Variants in PCDH7 observed in about 807,000 individuals in gnomAD.
PCDH7 encodes protocadherin-7.
Under a neutral mutation model 58.9 loss-of-function variants are expected in PCDH7, and 17 were observed. The ratio of observed to expected loss-of-function variants is 0.29; its 90% CI spans 0.20 to 0.43. The LOEUF is 0.43. PCDH7 is among the 20% of genes least tolerant of loss of function. The pLI is 1.00. For missense variants in PCDH7, 1,274 were observed against 1,441.0 expected (o/e 0.88, Z 1.88); for synonymous variants, 664 against 616.4 (o/e 1.08, Z -1.14).
chr4:30,801,149 A>C (rs73213193), intron 1 of PCDH7, among the ~76,000 whole-genome samples: 16,762 of 152,244 alleles, frequency 0.11, 1,221 homozygotes, highest in Non-Finnish European at 0.16. Flanking sequence ...AGGTGGTTAG[A>C]TGTTGGGAAA....
chr4:30,915,310 CT>C (rs1413930259), intron 1 of PCDH7, among the ~76,000 whole-genome samples: 1 of 152,154 alleles, frequency 6.6e-6, no homozygotes, highest in Non-Finnish European at 1.5e-5. Flanking sequence ...TCTTCTACTT[CT>C]TTTGGTCCAA....
At chr4:31,064,654 TC>T (rs771509116) in intron 3 of PCDH7, among the ~76,000 whole-genome samples, 8 of 151,944 alleles carry the variant, frequency 5.3e-5, no homozygotes, top group Non-Finnish European at 1.2e-4. Flanking sequence ...GTTTCTGTCC[TC>T]ACGTGATGTT....
rs115567606 is a variant in PCDH7 at position 30,919,191 on chromosome 4, C to T, written c.71-962C>T. Among the ~76,000 whole-genome samples the T allele has an allele frequency of 5.8e-3, 886 of 151,680 alleles. 6 individuals are homozygous for T. Among genetic ancestry groups the T allele is most frequent in the African/African-American group, 0.021 (847 of 41,308 alleles). ...GGATACAACTATTGCCAAAAATAAT[C>T]TCAGACTGACATTACAGAACATTTT... On this transcript the variant is annotated intron_variant, in intron 1 of 3. Transcript: ENST00000509759.
At chr4:30,871,562 A>G (rs986591876) in intron 1 of PCDH7, among the ~76,000 whole-genome samples, 1 of 152,108 alleles carries the variant, frequency 6.6e-6, no homozygotes, top group East Asian at 1.9e-4. Context: ...TCTACCAAAA[A>G]CAAAACAAAA....
chr4:30,912,104 G>T (rs73812674), intron 1 of PCDH7, among the ~76,000 whole-genome samples: 205 of 152,232 alleles, frequency 1.3e-3, no homozygotes, highest in African/African-American at 4.8e-3. Context: ...GTCTCAACAT[G>T]TTTCTTGTTA....
chr4:30,832,559 T>C (rs930156873), intron 1 of PCDH7, among the ~76,000 whole-genome samples: 5 of 152,168 alleles, frequency 3.3e-5, no homozygotes, highest in Non-Finnish European at 5.9e-5. Flanking sequence ...TCATCACTAA[T>C]ATAGTGCCTA....
chr4:30,933,246 C>T (rs1245533528), intron 2 of PCDH7, among the ~76,000 whole-genome samples: 3 of 152,140 alleles, frequency 2.0e-5, no homozygotes, highest in East Asian at 3.9e-4. Flanking sequence ...AGGATGGTCT[C>T]GATCCCCTGA....
chr4:30,756,142 G>T (rs1044694281), intron 1 of PCDH7, among the ~76,000 whole-genome samples: 2 of 152,148 alleles, frequency 1.3e-5, no homozygotes. Context: ...ACATGCACCT[G>T]TGAGGAGGGA....
intron 3 of PCDH7, among the ~76,000 whole-genome samples, chr4:30,998,051 A>T (rs1474291746): frequency 2.0e-5 from 3 of 152,174 alleles, no homozygotes; most frequent in Non-Finnish European, 4.4e-5. Flanking sequence ...AAACTCTGCC[A>T]GGGGAAGCTT....
chr4:30,881,896 A>G (rs1737020016), intron 1 of PCDH7, among the ~76,000 whole-genome samples: 1 of 152,146 alleles, frequency 6.6e-6, no homozygotes, highest in Non-Finnish European at 1.5e-5. Context: ...TTATTTTAGC[A>G]AAGCTGAGAT....
intron 1 of PCDH7, among the ~76,000 whole-genome samples, chr4:30,764,579 GT>G (rs1720448736): frequency 6.6e-6 from 1 of 152,180 alleles, no homozygotes; most frequent in Admixed American, 6.5e-5. Flanking sequence ...AAGAAACGAA[GT>G]TTGTAAATGC....
chr4:30,940,022 T>C (rs1225337949), intron 2 of PCDH7, among the ~76,000 whole-genome samples: 1 of 151,666 alleles, frequency 6.6e-6, no homozygotes, highest in East Asian at 1.9e-4. Context: ...AGGTCAAAGT[T>C]GATGAGCACG....
At chr4:31,001,522 A>G (rs1487203263) in intron 3 of PCDH7, among the ~76,000 whole-genome samples, 2 of 152,078 alleles carry the variant, frequency 1.3e-5, no homozygotes, top group African/African-American at 4.8e-5. Context: ...CTACACATCT[A>G]ATGTGTTTGA....
downstream of PCDH7, chr4:31,144,154 A>G (rs535034711): frequency 1.3e-5 from 2 of 152,320 alleles, no homozygotes; most frequent in South Asian, 4.1e-4. Context: ...CCACAAGTGC[A>G]TTAATTTTGA....
intron 1 of PCDH7, among the ~76,000 whole-genome samples, chr4:30,865,759 T>C (rs1734797956): frequency 1.3e-5 from 2 of 152,228 alleles, no homozygotes; most frequent in South Asian, 4.1e-4. Context: ...GCCAGTCTTT[T>C]CTCAGTTGAT....
intron 1 of PCDH7, among the ~76,000 whole-genome samples, chr4:30,829,033 G>A (rs917148725): frequency 1.3e-5 from 2 of 152,022 alleles, no homozygotes; most frequent in Non-Finnish European, 2.9e-5. Flanking sequence ...TTATGCCTGA[G>A]TTTAATTCAG....
chr4:31,130,781 C>T (rs1241140416), intron 3 of PCDH7, among the ~76,000 whole-genome samples: 1 of 152,202 alleles, frequency 6.6e-6, no homozygotes, highest in Non-Finnish European at 1.5e-5. Flanking sequence ...GTCTTTCTCA[C>T]ATCACTTTAT....
intron 3 of PCDH7, among the ~76,000 whole-genome samples, chr4:31,010,791 A>T (rs1283476074): frequency 6.6e-6 from 1 of 151,914 alleles, no homozygotes; most frequent in East Asian, 1.9e-4. Flanking sequence ...AGCAAATAAT[A>T]AGAATAAGAA....
intron 1 of PCDH7, among the ~76,000 whole-genome samples, chr4:30,897,542 TAAGGTA>T (rs892420607): frequency 6.6e-6 from 1 of 152,180 alleles, no homozygotes; most frequent in Non-Finnish European, 1.5e-5. Flanking sequence ...TTAATTAAAA[TAAGGTA>T]AAGGTATTTG....
Sources: allele counts gnomAD v4.1 joint callset (sites outside exome capture counted in the v4.1 genomes callset), GRCh38; gene constraint gnomAD v4.1.1; transcripts MANE v1.5; gene names NCBI Gene and HGNC (gene_info 2026-07-23, HGNC 2026-07-21).